SYNE2: variants seen among roughly 807,000 people sequenced by gnomAD.
The protein encoded by SYNE2 is spectrin repeat containing nuclear envelope protein 2, also known as nesprin-2.
In SYNE2, 431 loss-of-function variants were observed where a neutral mutation model predicts 856.3. The ratio of observed to expected loss-of-function variants is 0.50; its 90% CI spans 0.47 to 0.55. The LOEUF is 0.55. Ranked by LOEUF, SYNE2 falls within the 20% of genes least tolerant of loss-of-function variation. The probability of loss-of-function intolerance (pLI) is 0.00; values close to 1 mark genes in which losing one functional copy is unlikely to be tolerated. For missense variants in SYNE2, 8,129 were observed against 8,023.2 expected (o/e 1.01, Z -0.50); for synonymous variants, 2,923 against 2,872.3 (o/e 1.02, Z -0.56).
chr14:64,182,457 T>C (rs761442909), intron 96 of SYNE2, among the ~76,000 whole-genome samples: 2 of 151,912 alleles, frequency 1.3e-5, no homozygotes, highest in Non-Finnish European at 2.9e-5. Flanking sequence ...GGCACGGTCA[T>C]AGGACAATAG....
Position 63,960,689 on chromosome 14 carries a change from T to C in SYNE2, c.788-836T>C. On this transcript the variant is annotated intron_variant, in intron 8 of 115. Transcript: ENST00000555002. ...TTAGGTGTTCATTTTGTCTGTGACA[T>C]ATTGCATTCACCCTTTTGTGATTTT... 3 of 743,346 alleles carry C rather than the reference T, an allele frequency of 4.0e-6. No homozygotes were observed. In the East Asian group the frequency reaches 7.4e-5, roughly 18 times the overall value. The allele number at this position is 743,346 out of a possible 1,614,324, so 46.0% of individuals were successfully genotyped here.
intron 6 of SYNE2, among the ~76,000 whole-genome samples, chr14:63,947,011 A>C (rs2096044261): frequency 2.0e-5 from 3 of 151,928 alleles, no homozygotes; most frequent in Admixed American, 6.6e-5. Flanking sequence ...CACCATGTCT[A>C]GCTAATTTTT....
Position 64,034,365 on chromosome 14 carries a change from T to A in SYNE2, c.7221+3008T>A, listed in dbSNP as rs1246154256. 12 of 401,312 alleles carry A rather than the reference T, an allele frequency of 3.0e-5. No individual in the cohort carries two copies. In the East Asian group the frequency reaches 3.5e-4, roughly 12 times the overall value. The allele number at this position is 401,312 out of a possible 1,614,324, so 24.9% of individuals were successfully genotyped here. On this transcript the variant is annotated intron_variant, in intron 45 of 115. Coordinates refer to ENST00000555002, the MANE Select transcript of SYNE2 (RefSeq NM_182914.3). ...TAACACTAATTAAATTGCTAATTAATACTCACTTCACATGCCTTTTTGGAA... is the reference window on the plus strand; with the variant it reads ...TAACACTAATTAAATTGCTAATTAAAACTCACTTCACATGCCTTTTTGGAA...
At chr14:63,784,138 G>T (rs766657905) in intron 1 of SYNE2, among the ~76,000 whole-genome samples, 2 of 152,174 alleles carry the variant, frequency 1.3e-5, no homozygotes, top group Non-Finnish European at 2.9e-5. Context: ...GAAACCATTT[G>T]TGGGTCTAGT....
intron 1 of SYNE2, among the ~76,000 whole-genome samples, chr14:63,806,941 C>A (rs1400861792): frequency 6.6e-6 from 1 of 151,610 alleles, no homozygotes; most frequent in Non-Finnish European, 1.5e-5. Context: ...TTCCAAACTC[C>A]TGGCCTCAAG....
chr14:64,049,753 C>T lies in SYNE2; in HGVS notation c.7520C>T (p.Ala2507Val), dbSNP rs942683797. The T allele has an allele frequency of 1.9e-6, 3 of 1,614,092 alleles. No homozygotes were observed. Among genetic ancestry groups the T allele is most frequent in the Non-Finnish European group, 2.5e-6 (3 of 1,180,012 alleles). ...CAGCATTTGGACAATTTGCTTCAGG[C>T]ACTTATTACTTTGAAGAAAAACAAA... ...SAQHLDNLLQ[A>V]LITLKKNKES... Residue 2507 changes from alanine to valine, a missense_variant, in exon 47 of 116, where the codon GCA (alanine) becomes GTA (valine). Physicochemically the swap from Ala to Val is moderately conservative, Grantham distance 64. Transcript: ENST00000555002.
intron 1 of SYNE2, among the ~76,000 whole-genome samples, chr14:63,783,666 T>C (rs1406205522): frequency 6.6e-6 from 1 of 152,162 alleles, no homozygotes; most frequent in Non-Finnish European, 1.5e-5. Context: ...CCAAATTGAA[T>C]AACATTCTAC....
intron 12 of SYNE2, among the ~76,000 whole-genome samples, chr14:63,977,105 C>G (rs1408646080): frequency 6.6e-6 from 1 of 151,834 alleles, no homozygotes; most frequent in Non-Finnish European, 1.5e-5. Context: ...GTATTTGAGC[C>G]TACAAAGGAA....
Position 63,773,701 on chromosome 14 carries a change from A to G in SYNE2, c.-305+11715A>G, listed in dbSNP as rs189522221. On this transcript the variant is annotated intron_variant, in intron 1 of 23. Coordinates refer to the SYNE2 transcript ENST00000674003. The stretch of plus-strand genomic sequence containing the variant: ...CTCAGCCTCCTGAGTAACTGGGACT[A>G]CAGGCATGCACCAACATGCCCAGCA... Among the ~76,000 whole-genome samples the G allele has an allele frequency of 1.3e-3, 204 of 152,296 alleles. 1 individual carries two copies. Among genetic ancestry groups the G allele is most frequent in the African/African-American group, 4.7e-3 (195 of 41,548 alleles).
At position 64,213,094 on chromosome 14, in the gene SYNE2, T is replaced by C. The variant is rs2098649773; in HGVS notation, c.19056+89T>C. ...TTAAAGAATTAGGGGACCTGTCTTA[T>C]AATGGTTAATTATGGTTTATTTTTT... is the stretch of plus-strand genomic sequence containing the variant. On this transcript the variant is annotated intron_variant, in intron 105 of 115. Coordinates refer to ENST00000555002, the MANE Select transcript of SYNE2 (RefSeq NM_182914.3). 3.0e-6 allele frequency: 4 copies of C among 1,347,256 alleles called. No homozygotes were observed. The South Asian group carries it at 4.9e-5, about 17-fold the overall frequency. 83.5% of individuals were successfully genotyped at this position (1,347,256 alleles called of 1,614,324 possible).
chr14:63,797,078 C>CAAA (rs372872575), intron 1 of SYNE2, among the ~76,000 whole-genome samples: 3 of 70,368 alleles, frequency 4.3e-5, no homozygotes, highest in African/African-American at 9.6e-5. Flanking sequence ...GACTTCATCT[C>CAAA]AAAAAAAAAA....
chr14:63,990,615 T>C, intron 20 of SYNE2, 46 bp downstream of exon 20: 1 of 1,577,898 alleles, frequency 6.3e-7, no homozygotes, highest in Non-Finnish European at 8.7e-7. Context: ...TCTCTAAAAC[T>C]GAGGGGTCAC....
At chr14:64,013,492 T>G (rs1353286765) in intron 32 of SYNE2, among the ~76,000 whole-genome samples, 2 of 152,196 alleles carry the variant, frequency 1.3e-5, no homozygotes, top group Non-Finnish European at 2.9e-5. Flanking sequence ...CTGTCTCACC[T>G]TTTATAGTCC....
At chr14:64,084,844 G>A (rs1356498485) in intron 57 of SYNE2, 4 of 650,304 alleles carry the variant, frequency 6.2e-6, no homozygotes, top group Non-Finnish European at 1.1e-5. Context: ...TGCGGTCAAG[G>A]TGTCGACAAA....
chr14:64,173,762 C>G, intron 94 of SYNE2: 1 of 515,416 alleles, frequency 1.9e-6, no homozygotes, highest in Non-Finnish European at 3.4e-6. Context: ...GAATGCCCAG[C>G]CAGGAAAACA....
chr14:64,126,573 T>C, intron 72 of SYNE2, 25 bp from the exon 73 acceptor site: 1 of 1,614,196 alleles, frequency 6.2e-7, no homozygotes, highest in Non-Finnish European at 8.5e-7. Flanking sequence ...AGCTCATTCA[T>C]TGTCTTCCTT....
chr14:63,945,158 T>C (rs2096006550), intron 6 of SYNE2, among the ~76,000 whole-genome samples: 1 of 150,316 alleles, frequency 6.7e-6, no homozygotes, highest in South Asian at 2.1e-4. Flanking sequence ...CTTTTGTTGA[T>C]GTATATGTAA....
chr14:63,963,122 C>T (rs1273512562), intron 9 of SYNE2, among the ~76,000 whole-genome samples: 2 of 152,156 alleles, frequency 1.3e-5, no homozygotes, highest in African/African-American at 4.8e-5. Context: ...AAGTTTGAGG[C>T]AATAAGCCAG....
chr14:64,007,862 G>C (rs2096810463), intron 31 of SYNE2, among the ~76,000 whole-genome samples: 1 of 152,064 alleles, frequency 6.6e-6, no homozygotes, highest in African/African-American at 2.4e-5. Context: ...CATAAAAAAA[G>C]TAACCTGCAT....
Sources: allele counts gnomAD v4.1 joint callset (sites outside exome capture counted in the v4.1 genomes callset), GRCh38; gene constraint gnomAD v4.1.1; transcripts MANE v1.5; gene names NCBI Gene and HGNC (gene_info 2026-07-23, HGNC 2026-07-21).